The following PTPRR variants were observed in gnomAD, a reference collection of about 807,000 sequenced individuals.
PTPRR encodes receptor-type tyrosine-protein phosphatase R.
Under a neutral mutation model 77.2 loss-of-function variants are expected in PTPRR, and 38 were observed. The ratio of observed to expected loss-of-function variants is 0.49; its 90% CI spans 0.38 to 0.65. The LOEUF is 0.65. PTPRR is among the 30% of genes least tolerant of loss of function. The pLI, the probability that PTPRR is intolerant of heterozygous loss-of-function variation, is 0.00. For synonymous variants in PTPRR, 299 were observed against 283.1 expected, an observed-to-expected ratio of 1.06 and a Z score of -0.57; for missense variants, 744 against 799.2, an observed-to-expected ratio of 0.93 and a Z score of 0.83.
chr12:70,765,175 G>C lies in PTPRR; in HGVS notation c.358-397C>G, dbSNP rs1890786292. Among the ~76,000 whole-genome samples, 4 of 152,194 alleles carry C rather than the reference G, an allele frequency of 2.6e-5. No homozygotes were observed. The South Asian group carries it at 8.3e-4, about 32-fold the overall frequency. On this transcript the variant is annotated intron_variant, in intron 2 of 13. Coordinates refer to ENST00000283228, the MANE Select transcript of PTPRR (RefSeq NM_002849.4). The stretch of plus-strand genomic sequence containing the variant: ...CAGTGGGCGCAGGACAGTGGGTGCA[G>C]TGCACCGTGCACGAGCCGAAGCAGG...
intron 2 of PTPRR, among the ~76,000 whole-genome samples, chr12:70,867,912 A>T (rs1014297034): frequency 1.2e-4 from 18 of 152,294 alleles, no homozygotes; most frequent in African/African-American, 3.8e-4. Context: ...TCTTTGACAA[A>T]CCTGACAAAA....
chr12:70,790,817 G>T (rs1327338124), intron 2 of PTPRR, among the ~76,000 whole-genome samples: 1 of 152,050 alleles, frequency 6.6e-6, no homozygotes, highest in African/African-American at 2.4e-5. Flanking sequence ...ATTCCAGCCT[G>T]GGTGACAGAA....
intron 13 of PTPRR, among the ~76,000 whole-genome samples, chr12:70,641,123 C>T (rs1220953190): frequency 6.6e-6 from 1 of 152,066 alleles, no homozygotes; most frequent in Non-Finnish European, 1.5e-5. Context: ...GCAGGTGTTC[C>T]GAAGATGCTG....
intron 2 of PTPRR, among the ~76,000 whole-genome samples, chr12:70,845,592 T>C (rs1036645350): frequency 3.3e-5 from 5 of 152,218 alleles, no homozygotes; most frequent in African/African-American, 9.6e-5. Flanking sequence ...GCTCTCCGTA[T>C]TTTTAAATTA....
intron 10 of PTPRR, among the ~76,000 whole-genome samples, chr12:70,666,884 T>A (rs545557605): frequency 6.7e-6 from 1 of 148,468 alleles, no homozygotes; most frequent in East Asian, 2.0e-4. Context: ...AATAAAATAC[T>A]TTTTTTATGA....
intron 10 of PTPRR, among the ~76,000 whole-genome samples, chr12:70,682,777 CTG>C (rs1475722406): frequency 3.3e-5 from 5 of 152,120 alleles, no homozygotes; most frequent in African/African-American, 7.2e-5. Flanking sequence ...TAGATTGACA[CTG>C]TGTGGGAAAC....
chr12:70,901,419 C>T (rs947972804), intron 1 of PTPRR, among the ~76,000 whole-genome samples: 37 of 151,594 alleles, frequency 2.4e-4, no homozygotes, highest in African/African-American at 9.0e-4. Context: ...GCACATAGAC[C>T]AATGGAACAG....
chr12:70,901,319 C>T (rs965463186), intron 1 of PTPRR, among the ~76,000 whole-genome samples: 1 of 151,426 alleles, frequency 6.6e-6, no homozygotes. Flanking sequence ...TTCACTGAAG[C>T]GTTATTCACA....
chr12:70,883,151 C>T (rs548977580), intron 2 of PTPRR, among the ~76,000 whole-genome samples: 9 of 152,130 alleles, frequency 5.9e-5, no homozygotes, highest in Admixed American at 3.9e-4. Context: ...AACCCAGCTA[C>T]GGGGGAGGCT....
At chr12:70,913,712 C>A (rs1565739487) in intron 1 of PTPRR, among the ~76,000 whole-genome samples, 1 of 152,104 alleles carries the variant, frequency 6.6e-6, no homozygotes, top group Non-Finnish European at 1.5e-5. Context: ...GTCCCATCTC[C>A]ATTTCCTTGT....
chr12:70,814,259 A>T (rs527665761), intron 2 of PTPRR, among the ~76,000 whole-genome samples: 3 of 152,274 alleles, frequency 2.0e-5, no homozygotes, highest in African/African-American at 7.2e-5. Flanking sequence ...CCTAATTGTC[A>T]TCTGGGAATG....
rs1287403039 is a variant in PTPRR at position 70,713,003 on chromosome 12, C to T, written c.1008-11680G>A. Among the ~76,000 whole-genome samples, 3 of 152,084 alleles carry T rather than the reference C, an allele frequency of 2.0e-5. No individual in the cohort carries two copies. In the South Asian group the frequency reaches 6.2e-4, roughly 32 times the overall value. ...TAAATTTTAAAGCATTTTCCTCACT[C>T]CCCCCAAAAAAATTCTCCCTGCTCA... On this transcript the variant is annotated intron_variant, in intron 6 of 13. Coordinates refer to ENST00000283228, the MANE Select transcript of PTPRR (RefSeq NM_002849.4).
intron 10 of PTPRR, among the ~76,000 whole-genome samples, chr12:70,662,877 A>C (rs1413083659): frequency 3.9e-5 from 6 of 152,124 alleles, no homozygotes; most frequent in Non-Finnish European, 8.8e-5. Flanking sequence ...CATACAAAAA[A>C]AAAAGGCAGA....
At chr12:70,822,354 A>C (rs1350265137) in intron 2 of PTPRR, among the ~76,000 whole-genome samples, 1 of 152,210 alleles carries the variant, frequency 6.6e-6, no homozygotes, top group Non-Finnish European at 1.5e-5. Context: ...GTTTTTCTGC[A>C]TTTGTAGAAA....
At chr12:70,816,282 T>C (rs1891901014) in intron 2 of PTPRR, among the ~76,000 whole-genome samples, 1 of 152,056 alleles carries the variant, frequency 6.6e-6, no homozygotes, top group Non-Finnish European at 1.5e-5. Flanking sequence ...TAGGAGTATA[T>C]GCAAATATGA....
At position 70,656,751 on chromosome 12, in the gene PTPRR, T is replaced by A; in HGVS notation, c.1833A>T (p.Glu611Asp). 1 of 1,613,998 alleles carries A rather than the reference T, an allele frequency of 6.2e-7. No individual in the cohort carries two copies. Among genetic ancestry groups the A allele is most frequent in the Non-Finnish European group, 8.5e-7 (1 of 1,179,964 alleles). ...CAATGCTTAGTGCATCCACAACTCCTTCTTCTTTCAGCTGTTGACAGCCAA... is the reference window on the plus strand; with the variant it reads ...CAATGCTTAGTGCATCCACAACTCCATCTTCTTTCAGCTGTTGACAGCCAA... The part of the protein sequence containing the change: ...TSIGCQQLKE[E>D]GVVDALSIVC... Residue 611 changes from glutamate (E) to aspartate (D), a missense_variant, in exon 13 of 14, where the codon GAA (glutamate) becomes GAT (aspartate). Around this residue, in one of 3 missense-constraint regions of PTPRR, gnomAD observed 170 missense variants for 209.8 expected, o/e 0.81. Coordinates refer to ENST00000283228, the MANE Select transcript of PTPRR (RefSeq NM_002849.4).
intron 8 of PTPRR, among the ~76,000 whole-genome samples, chr12:70,693,509 G>A (rs1387206134): frequency 6.6e-6 from 1 of 151,972 alleles, no homozygotes; most frequent in African/African-American, 2.4e-5. Context: ...TGTTGCCCAG[G>A]CTAGTAATTA....
intron 2 of PTPRR, among the ~76,000 whole-genome samples, chr12:70,853,980 A>G (rs1021340946): frequency 6.6e-6 from 1 of 152,236 alleles, no homozygotes; most frequent in African/African-American, 2.4e-5. Context: ...AGAATCAAGT[A>G]GCTACAATAT....
chr12:70,790,521 T>C (rs1891403733), intron 2 of PTPRR, among the ~76,000 whole-genome samples: 1 of 152,148 alleles, frequency 6.6e-6, no homozygotes, highest in Admixed American at 6.5e-5. Context: ...GCTCAATTCT[T>C]AGTCTCTTCT....
Sources: allele counts gnomAD v4.1 joint callset (sites outside exome capture counted in the v4.1 genomes callset), GRCh38; gene constraint gnomAD v4.1.1; regional missense constraint gnomAD v4.1.1; transcripts MANE v1.5; gene names NCBI Gene and HGNC (gene_info 2026-07-23, HGNC 2026-07-21).